MRTFB: variants seen among roughly 807,000 people sequenced by gnomAD.
The protein encoded by MRTFB is myocardin-related transcription factor B.
A neutral mutation model predicts 104.2 loss-of-function variants in MRTFB; 29 were observed. The observed-to-expected ratio is 0.28, with a 90% CI of 0.21 to 0.38. The LOEUF (loss-of-function observed/expected upper bound fraction) is 0.38. Ranked by LOEUF, MRTFB falls within the 10% of genes least tolerant of loss-of-function variation. The probability of loss-of-function intolerance (pLI) is 1.00; values close to 1 mark genes in which losing one functional copy is unlikely to be tolerated. For missense variants in MRTFB, 1,270 were observed against 1,341.6 expected (o/e 0.95, Z 0.83); for synonymous variants, 535 against 519.5 (o/e 1.03, Z -0.41).
chr16:14,247,406 G>A lies in MRTFB; in HGVS notation c.2146G>A (p.Ala716Thr). ...GCCTGCTGTTGTTGCTCAGCCCCAG[G>A]CTTTACTGACCACGCAGACTGCTCA... ...PPPAVVAQPQ[A>T]LLTTQTAQLL... Residue 716 changes from alanine to threonine, a missense_variant, in exon 12 of 17, where the codon GCT becomes ACT. Ala to Thr is a moderately conservative substitution (Grantham distance 58, BLOSUM62 0). This residue lies in a region of MRTFB where 1,144 missense variants were observed against 1,131.5 expected (regional missense o/e 1.01). Coordinates refer to ENST00000571589, the MANE Select transcript of MRTFB (RefSeq NM_001308142.2). 1 of 1,612,954 alleles carries A rather than the reference G, an allele frequency of 6.2e-7. No homozygotes were observed. The highest frequency in any genetic ancestry group is 8.5e-7 in the Non-Finnish European group (1 of 1,180,022).
the MRTFB span, among the ~76,000 whole-genome samples, chr16:14,035,901 C>T: frequency 7.3e-4 from 110 of 151,534 alleles, 1 homozygote; most frequent in African/African-American, 2.5e-3. Context: ...CTCTGAGTCC[C>T]CAAGGCCCAC....
chr16:14,071,161 C>T (rs982906856), upstream of MRTFB, among the ~76,000 whole-genome samples: 1 of 152,120 alleles, frequency 6.6e-6, no homozygotes, highest in African/African-American at 2.4e-5. Flanking sequence ...GGGCGGAGTG[C>T]ACGCAGGGAC....
At chr16:14,196,446 C>T (rs1047246709) in intron 3 of MRTFB, among the ~76,000 whole-genome samples, 4 of 152,144 alleles carry the variant, frequency 2.6e-5, no homozygotes, top group Non-Finnish European at 5.9e-5. Flanking sequence ...TTTAGAATTC[C>T]GAGGTCTATA....
the MRTFB span, among the ~76,000 whole-genome samples, chr16:14,008,960 A>G: frequency 2.1e-5 from 1 of 47,808 alleles, no homozygotes; most frequent in African/African-American, 6.5e-5. Context: ...ATTTATTTTC[A>G]TTTAGAGACA....
intron 9 of MRTFB, among the ~76,000 whole-genome samples, chr16:14,239,956 G>A (rs549113541): frequency 1.3e-5 from 2 of 152,294 alleles, no homozygotes; most frequent in South Asian, 2.1e-4. Context: ...GTGTTCACAC[G>A]GGAGACCCAA....
intron 2 of MRTFB, among the ~76,000 whole-genome samples, chr16:14,119,760 G>T (rs1415536802): frequency 6.6e-6 from 1 of 152,016 alleles, no homozygotes; most frequent in Admixed American, 6.6e-5. Context: ...TATTTTGGTT[G>T]GTTTGGTCTG....
intron 2 of MRTFB, among the ~76,000 whole-genome samples, chr16:14,121,305 ATTC>A (rs1268387588): frequency 1.3e-5 from 2 of 150,452 alleles, no homozygotes; most frequent in East Asian, 3.9e-4. Flanking sequence ...AAGTGCCATT[ATTC>A]TTTTGAAGAA....
chr16:14,054,866 A>G, the MRTFB span, among the ~76,000 whole-genome samples: 1 of 152,218 alleles, frequency 6.6e-6, no homozygotes, highest in Non-Finnish European at 1.5e-5. Context: ...CATTGCTGCT[A>G]GAAAACCCTA....
chr16:14,258,262 G>A, intron 16 of MRTFB, 101 bp downstream of exon 16: 1 of 870,518 alleles, frequency 1.1e-6, no homozygotes, highest in Non-Finnish European at 1.8e-6. Context: ...TAGATACTGA[G>A]AAACGTGTTC....
At chr16:14,238,714 T>G (rs9926155) in intron 9 of MRTFB, among the ~76,000 whole-genome samples, 20,419 of 152,032 alleles carry the variant, frequency 0.13, 3,215 homozygotes, top group African/African-American at 0.38. Flanking sequence ...AGCATTGGGA[T>G]TGTCATATGT....
At chr16:14,075,875 C>T (rs951261809) in intron 1 of MRTFB, among the ~76,000 whole-genome samples, 2 of 152,078 alleles carry the variant, frequency 1.3e-5, no homozygotes, top group Non-Finnish European at 2.9e-5. Context: ...CTTCTTTTTG[C>T]GAGGTGCTTT....
chr16:14,117,427 G>C (rs941287260), intron 2 of MRTFB, among the ~76,000 whole-genome samples: 2 of 152,188 alleles, frequency 1.3e-5, no homozygotes, highest in African/African-American at 4.8e-5. Flanking sequence ...TGGTCCCATA[G>C]CATCTATTCT....
chr16:14,011,129 CATTGTTGAGAAAATGAA>C, the MRTFB span, among the ~76,000 whole-genome samples: 76 of 152,336 alleles, frequency 5.0e-4, no homozygotes, highest in African/African-American at 1.7e-3. Context: ...CTGGTTTTCC[CATTGTTGAGAAAATGAA>C]ATTGTTGGGC....
At position 14,194,066 on chromosome 16, in the gene MRTFB, T is replaced by G. The variant is rs180795811; in HGVS notation, c.155-16177T>G. ...AAAAGCTTTCAGGAAAAAGTATAGATACGTTTGAAACATTGGGTTTTCCGT... is the reference window on the plus strand; with the variant it reads ...AAAAGCTTTCAGGAAAAAGTATAGAGACGTTTGAAACATTGGGTTTTCCGT... On this transcript the variant is annotated intron_variant, in intron 3 of 16. Transcript: ENST00000571589. Among the ~76,000 whole-genome samples the G allele has an allele frequency of 1.7e-3, 258 of 152,332 alleles. 3 individuals carry two copies. The highest frequency in any genetic ancestry group is 6.0e-3 in the African/African-American group (248 of 41,578).
chr16:14,061,239 C>T, the MRTFB span, among the ~76,000 whole-genome samples: 1 of 152,344 alleles, frequency 6.6e-6, no homozygotes, highest in African/African-American at 2.4e-5. Context: ...AGAGCCAGCG[C>T]CATCCTGGGC....
chr16:14,076,577 A>G (rs78048713), intron 1 of MRTFB, among the ~76,000 whole-genome samples: 3,949 of 152,324 alleles, frequency 0.026, 187 homozygotes, highest in African/African-American at 0.09. Context: ...AGTTGTTTCC[A>G]GTCTGAGACT....
At chr16:14,158,989 A>AAC (rs2038929263) in intron 3 of MRTFB, among the ~76,000 whole-genome samples, 3 of 151,062 alleles carry the variant, frequency 2.0e-5, no homozygotes, top group African/African-American at 7.3e-5. Flanking sequence ...AAAAAAAAAA[A>AAC]AAAAACTTAG....
At chr16:14,252,321 T>G (rs1597382370) in intron 14 of MRTFB, 44 bp from the exon 15 acceptor site, 1 of 1,593,088 alleles carries the variant, frequency 6.3e-7, no homozygotes, top group South Asian at 1.1e-5. Flanking sequence ...AAAGAGAGGT[T>G]TATTGCCAAG....
At chr16:14,081,513 GA>G (rs1220376198) in intron 2 of MRTFB, among the ~76,000 whole-genome samples, 1 of 152,070 alleles carries the variant, frequency 6.6e-6, no homozygotes, top group Admixed American at 6.5e-5. Context: ...GGCTCGTCTT[GA>G]ACTCCTGACC....
Sources: gnomAD v4.1 joint callset for allele counts (sites outside exome capture counted in the v4.1 genomes callset) on GRCh38, gnomAD v4.1.1 for gene constraint, gnomAD v4.1.1 regional missense constraint, MANE v1.5 for transcripts, NCBI Gene and HGNC (gene_info 2026-07-23, HGNC 2026-07-21) for gene names.